The following SV2B variants were observed in gnomAD, a reference collection of about 807,000 sequenced individuals.
SV2B encodes the protein synaptic vesicle glycoprotein 2B.
A neutral mutation model predicts 73.9 loss-of-function variants in SV2B; 41 were observed. The ratio of observed to expected loss-of-function variants is 0.56; its 90% CI spans 0.43 to 0.72. The LOEUF is 0.72. SV2B is among the 30% of genes least tolerant of loss of function. The pLI, the probability that SV2B is intolerant of heterozygous loss-of-function variation, is 0.00. For synonymous variants in SV2B, 314 were observed against 314.2 expected (o/e 1.00, Z 0.01); for missense variants, 764 against 857.8 (o/e 0.89, Z 1.37).
chr15:91,149,583 C>T (rs1231913759), intron 1 of SV2B, among the ~76,000 whole-genome samples: 1 of 152,196 alleles, frequency 6.6e-6, no homozygotes, highest in East Asian at 1.9e-4. Context: ...ACCTGAATCA[C>T]TGGGAGCCAC....
At chr15:91,274,629 C>G (rs2048424546) in intron 9 of SV2B, among the ~76,000 whole-genome samples, 1 of 152,112 alleles carries the variant, frequency 6.6e-6, no homozygotes, top group South Asian at 2.1e-4. Context: ...GTAAGTCCTC[C>G]TTTTTTGTAC....
Position 91,111,059 on chromosome 15 carries a change from G to A in SV2B, c.-392+10696G>A, listed in dbSNP as rs1239875815. On this transcript the variant is annotated intron_variant, in intron 1 of 12. Transcript: ENST00000394232. ...TGGATAAGGTCTTTTTTTTGGTGGC[G>A]CCGCCCACGTCTGTGGCAGAAAAGC... Among the ~76,000 whole-genome samples, 5 of 151,950 alleles carry A rather than the reference G, an allele frequency of 3.3e-5. No homozygotes were observed. The East Asian group carries it at 5.8e-4, about 18-fold the overall frequency.
In SV2B at chr15:91,302,166, G is replaced by T. The variant is rs530354932; in HGVS notation, c.*9614G>T. 6.6e-6 allele frequency among the ~76,000 whole-genome samples: 1 copy of T among 152,194 alleles called. No individual in the cohort carries two copies. The highest frequency in any genetic ancestry group is 2.1e-4 in the South Asian group (1 of 4,834). ...TAACACAGTATTTGATACGTAGTAG[G>T]TCTCAATAGATGATGAATAGACCGA... On this transcript the variant is annotated 3_prime_UTR_variant, in exon 13 of 13. Transcript: ENST00000394232.
chr15:91,109,079 C>T (rs2151724728), intron 1 of SV2B, among the ~76,000 whole-genome samples: 1 of 152,316 alleles, frequency 6.6e-6, no homozygotes, highest in East Asian at 1.9e-4. Flanking sequence ...CAGAACTGAA[C>T]TTCTTCAGGA....
intron 1 of SV2B, among the ~76,000 whole-genome samples, chr15:91,187,251 A>G (rs1330944799): frequency 6.6e-6 from 1 of 152,236 alleles, no homozygotes; most frequent in East Asian, 1.9e-4. Context: ...CATATTTGCA[A>G]GTGGATTCTT....
At chr15:91,195,023 A>G (rs1235237646) in intron 1 of SV2B, among the ~76,000 whole-genome samples, 1 of 152,124 alleles carries the variant, frequency 6.6e-6, no homozygotes, top group Non-Finnish European at 1.5e-5. Flanking sequence ...CACAGTGGAT[A>G]TATAGCCCAA....
At chr15:91,225,516 T>TTTTTA (rs955562678) in intron 1 of SV2B, among the ~76,000 whole-genome samples, 5 of 152,178 alleles carry the variant, frequency 3.3e-5, no homozygotes, top group South Asian at 2.1e-4. Flanking sequence ...TTGCATAACA[T>TTTTTA]TTTTATTTTA....
chr15:91,116,792 C>T (rs1471278085), intron 1 of SV2B, among the ~76,000 whole-genome samples: 2 of 152,182 alleles, frequency 1.3e-5, no homozygotes, highest in African/African-American at 4.8e-5. Flanking sequence ...TTAATGGATT[C>T]ACAGTTCCAT....
At chr15:91,264,738 GC>G (rs1225783969) in intron 6 of SV2B, among the ~76,000 whole-genome samples, 2 of 152,140 alleles carry the variant, frequency 1.3e-5, no homozygotes, top group Non-Finnish European at 2.9e-5. Context: ...AGACACAAAA[GC>G]CTTTTACAAC....
intron 1 of SV2B, among the ~76,000 whole-genome samples, chr15:91,163,603 A>G (rs547142537): frequency 1.3e-5 from 2 of 152,016 alleles, no homozygotes; most frequent in East Asian, 3.9e-4. Flanking sequence ...CCACTTTTTG[A>G]TGGGGTTGTT....
intron 2 of SV2B, among the ~76,000 whole-genome samples, chr15:91,244,087 T>A (rs1191445538): frequency 6.6e-6 from 1 of 152,212 alleles, no homozygotes; most frequent in African/African-American, 2.4e-5. Flanking sequence ...TCCTAGGTTC[T>A]TTCATCAGAG....
intron 1 of SV2B, among the ~76,000 whole-genome samples, chr15:91,143,071 CTG>C (rs546740631): frequency 2.7e-4 from 41 of 152,290 alleles, no homozygotes; most frequent in Non-Finnish European, 5.4e-4. Flanking sequence ...TCCAGGGAGG[CTG>C]TTTCCCAAGT....
In SV2B at chr15:91,226,328, G is replaced by A. The variant is rs747449949; in HGVS notation, c.65G>A (p.Gly22Asp). ...GCTCCCAGTGATGGCTATTACCGCGGCAATGAGTCCAACCCAGAAGAAGAT... is the reference window on the plus strand; with the variant it reads ...GCTCCCAGTGATGGCTATTACCGCGACAATGAGTCCAACCCAGAAGAAGAT... ...GYAPSDGYYR[G>D]NESNPEEDAQ... is the part of the protein sequence containing the mutation. Residue 22 changes from glycine (G) to aspartate (D), a missense_variant, in exon 2 of 13, where the codon GGC becomes GAC. Coordinates refer to ENST00000394232, the MANE Select transcript of SV2B (RefSeq NM_001323032.3). 1.7e-5 allele frequency: 27 copies of A among 1,614,058 alleles called. No individual in the cohort carries two copies. The Admixed American group carries it at 4.0e-4, about 24-fold the overall frequency.
chr15:91,114,499 C>T (rs745857092), intron 1 of SV2B, among the ~76,000 whole-genome samples: 2 of 152,166 alleles, frequency 1.3e-5, no homozygotes, highest in African/African-American at 4.8e-5. Flanking sequence ...CTCCAGGCCT[C>T]GCTGGCCCTG....
chr15:91,254,253 CT>C (rs1311808429), intron 4 of SV2B, among the ~76,000 whole-genome samples: 15 of 53,158 alleles, frequency 2.8e-4, no homozygotes, highest in Admixed American at 8.1e-4. Flanking sequence ...TTTTTTTTTT[CT>C]GAGACAGAGT....
intron 9 of SV2B, among the ~76,000 whole-genome samples, chr15:91,270,815 GGGGATGGTGAAT>G (rs2048271044): frequency 3.6e-5 from 4 of 112,350 alleles, no homozygotes; most frequent in African/African-American, 1.6e-4. Flanking sequence ...TGGATGATGG[GGGGATGGTGAAT>G]CCTGTGGATG....
rs1260534215 is a variant in SV2B, at chr15:91,197,052, C to A, written c.-391-28821C>A. 2.6e-5 allele frequency among the ~76,000 whole-genome samples: 4 copies of A among 152,228 alleles called. No individual in the cohort carries two copies. Among genetic ancestry groups the A allele is most frequent in the Non-Finnish European group, 4.4e-5 (3 of 68,044 alleles). ...CTGTTGCTCCGCCTGCCGGCTGTGG[C>A]AGCCTTTAGCCCATAGATGCTGATC... is the stretch of plus-strand genomic sequence containing the variant. On this transcript the variant is annotated intron_variant, in intron 1 of 12. Transcript: ENST00000394232. The surrounding 1 kb of genome is among the most constrained non-coding windows in gnomAD (Gnocchi z 4.9).
intron 2 of SV2B, among the ~76,000 whole-genome samples, chr15:91,237,562 C>T (rs1259293930): frequency 6.6e-6 from 1 of 152,238 alleles, no homozygotes; most frequent in African/African-American, 2.4e-5. Flanking sequence ...GAGTCATGGG[C>T]ATATACATTT....
chr15:91,238,483 C>T (rs574456704), intron 2 of SV2B, among the ~76,000 whole-genome samples: 3 of 152,186 alleles, frequency 2.0e-5, no homozygotes, highest in Non-Finnish European at 4.4e-5. Flanking sequence ...GCTGTCCCAC[C>T]CCTGGAAGAC....
Sources: gnomAD v4.1 joint callset for allele counts (sites outside exome capture counted in the v4.1 genomes callset) on GRCh38, gnomAD v4.1.1 for gene constraint, Gnocchi (gnomAD v3.1) non-coding constraint, MANE v1.5 for transcripts, NCBI Gene and HGNC (gene_info 2026-07-23, HGNC 2026-07-21) for gene names.